HVCN1: variants seen among roughly 807,000 people sequenced by gnomAD.
HVCN1 encodes voltage-gated hydrogen channel 1.
HVCN1 carries 14 observed loss-of-function variants against 29.2 expected under a neutral mutation model. The observed-to-expected ratio is 0.48, with a 90% CI of 0.32 to 0.75. The LOEUF (loss-of-function observed/expected upper bound fraction) is 0.75. Ranked by LOEUF, HVCN1 falls within the 30% of genes least tolerant of loss-of-function variation. The pLI, the probability that HVCN1 is intolerant of heterozygous loss-of-function variation, is 0.04. For missense variants in HVCN1, 263 were observed against 341.8 expected (o/e 0.77, Z 1.82); for synonymous variants, 131 against 133.2 (o/e 0.98, Z 0.11).
chr12:110,692,562 A>G (rs899013337), upstream of HVCN1, among the ~76,000 whole-genome samples: 2 of 152,030 alleles, frequency 1.3e-5, no homozygotes, highest in Non-Finnish European at 1.5e-5. Flanking sequence ...TCTATAAAAA[A>G]TGTTTTAAAA....
chr12:110,671,929 G>A (rs1270404230), intron 3 of HVCN1, among the ~76,000 whole-genome samples: 1 of 152,174 alleles, frequency 6.6e-6, no homozygotes, highest in Non-Finnish European at 1.5e-5. Flanking sequence ...AAGTCACACC[G>A]TGCCGCACAT....
intron 2 of HVCN1, among the ~76,000 whole-genome samples, chr12:110,697,477 C>T (rs890045522): frequency 1.3e-5 from 2 of 151,776 alleles, no homozygotes; most frequent in Admixed American, 1.3e-4. Context: ...GTGAACAGCG[C>T]AGAGAGGGAG....
At chr12:110,654,586 C>T (rs913014364) in intron 5 of HVCN1, among the ~76,000 whole-genome samples, 1 of 150,018 alleles carries the variant, frequency 6.7e-6, no homozygotes, top group Non-Finnish European at 1.5e-5. Context: ...TCAAGCGATT[C>T]TCCTGCCTCA....
At chr12:110,686,759 G>A (rs1378139625) in intron 2 of HVCN1, among the ~76,000 whole-genome samples, 1 of 152,212 alleles carries the variant, frequency 6.6e-6, no homozygotes, top group Non-Finnish European at 1.5e-5. Flanking sequence ...TCCTGGGGAT[G>A]ATTTTTCTAA....
At chr12:110,659,781 G>A (rs778709334) in intron 4 of HVCN1, among the ~76,000 whole-genome samples, 2 of 151,962 alleles carry the variant, frequency 1.3e-5, no homozygotes, top group African/African-American at 4.8e-5. Flanking sequence ...TAAATGGCGG[G>A]ACATGGCCAG....
rs371093193 is a variant in HVCN1, at chr12:110,679,376, C to T, written c.21+3849G>A. ...AGAGGTGGCTGCTGAGTGCAGTCAC[C>T]TGTGCCAAGGAACAAGGTCAGCTGA... On this transcript the variant is annotated intron_variant, in intron 3 of 7. Coordinates refer to ENST00000242607, the MANE Select transcript of HVCN1 (RefSeq NM_032369.4). Among the ~76,000 whole-genome samples, 15 of 152,220 alleles carry T rather than the reference C, an allele frequency of 9.9e-5. No individual in the cohort carries two copies. In the South Asian group the frequency reaches 3.1e-3, roughly 32 times the overall value.
intron 7 of HVCN1, among the ~76,000 whole-genome samples, 153 bp downstream of exon 7, chr12:110,650,015 T>C (rs1384816860): frequency 6.6e-6 from 1 of 152,100 alleles, no homozygotes; most frequent in East Asian, 1.9e-4. Context: ...ACAGCTAATT[T>C]TGTATTTTTA....
intron 1 of HVCN1, among the ~76,000 whole-genome samples, chr12:110,703,175 G>C (rs919283092): frequency 2.2e-4 from 31 of 138,968 alleles, no homozygotes; most frequent in African/African-American, 8.1e-4. Context: ...TTTGAGACCA[G>C]CCTGGGCAAC....
chr12:110,674,431 T>C (rs2068681711), intron 3 of HVCN1, among the ~76,000 whole-genome samples: 1 of 152,160 alleles, frequency 6.6e-6, no homozygotes, highest in Admixed American at 6.5e-5. Context: ...TGGGGGACTG[T>C]TGGGAAGGCA....
chr12:110,678,494 A>G (rs1010272340), intron 3 of HVCN1, among the ~76,000 whole-genome samples: 3 of 116,462 alleles, frequency 2.6e-5, no homozygotes, highest in African/African-American at 3.4e-5. Context: ...TCTGCCACCT[A>G]GGCTGGAGGG....
chr12:110,691,267 G>A (rs2069401495), upstream of HVCN1, among the ~76,000 whole-genome samples: 1 of 150,076 alleles, frequency 6.7e-6, no homozygotes, highest in Admixed American at 6.6e-5. Context: ...GTTTCACCGT[G>A]TTAACCAGGA....
intron 2 of HVCN1, among the ~76,000 whole-genome samples, chr12:110,685,044 C>T (rs994174509): frequency 2.6e-5 from 4 of 152,202 alleles, no homozygotes; most frequent in South Asian, 4.1e-4. Context: ...GATGCACATA[C>T]CCTAATCCTT....
chr12:110,660,562 G>T (rs963105836), intron 4 of HVCN1, among the ~76,000 whole-genome samples: 4 of 152,012 alleles, frequency 2.6e-5, no homozygotes, highest in African/African-American at 9.7e-5. Flanking sequence ...TATTTTTTTT[G>T]TGTGTGGTAA....
At chr12:110,691,782 A>C (rs972105881), upstream of HVCN1, among the ~76,000 whole-genome samples, 1 of 151,992 alleles carries the variant, frequency 6.6e-6, no homozygotes, top group Non-Finnish European at 1.5e-5. Flanking sequence ...ACCTTCCCCC[A>C]TCCCTTCCCC....
intron 3 of HVCN1, among the ~76,000 whole-genome samples, chr12:110,681,012 G>A (rs1407639667): frequency 6.6e-6 from 1 of 152,198 alleles, no homozygotes; most frequent in Non-Finnish European, 1.5e-5. Context: ...CACCTGTTCA[G>A]AGGCCAGGAA....
chr12:110,663,221 A>G (rs1430982336), intron 3 of HVCN1, among the ~76,000 whole-genome samples: 1 of 152,160 alleles, frequency 6.6e-6, no homozygotes, highest in East Asian at 1.9e-4. Flanking sequence ...TGAATGATTT[A>G]GTGATTCTAT....
chr12:110,686,649 A>C (rs1196376229), intron 2 of HVCN1, among the ~76,000 whole-genome samples: 1 of 152,202 alleles, frequency 6.6e-6, no homozygotes, highest in Non-Finnish European at 1.5e-5. Flanking sequence ...CAAGCAACAG[A>C]AACTTTAAAA....
chr12:110,670,611 G>A (rs1255851942), intron 3 of HVCN1, among the ~76,000 whole-genome samples: 1 of 152,174 alleles, frequency 6.6e-6, no homozygotes, highest in Middle Eastern at 3.2e-3. Context: ...CACACACTGT[G>A]GGGAACTGGA....
chr12:110,656,282 G>A (rs755073499), intron 4 of HVCN1, among the ~76,000 whole-genome samples: 13 of 152,186 alleles, frequency 8.5e-5, no homozygotes, highest in Non-Finnish European at 1.6e-4. Context: ...GAGAATTCAG[G>A]AGAGCTGCTA....
Sources: gnomAD v4.1 joint callset for allele counts (sites outside exome capture counted in the v4.1 genomes callset) on GRCh38, gnomAD v4.1.1 for gene constraint, MANE v1.5 for transcripts, NCBI Gene and HGNC (gene_info 2026-07-23, HGNC 2026-07-21) for gene names.